Variants in MSRA observed in about 807,000 individuals in gnomAD.
The protein encoded by MSRA is mitochondrial peptide methionine sulfoxide reductase.
A neutral mutation model predicts 31.3 loss-of-function variants in MSRA; 54 were observed. The observed-to-expected ratio is 1.73, with a 90% CI of 1.39 to 2.17. The LOEUF is 2.17. Among genes scored for constraint, MSRA ranks in the 30% most tolerant of loss-of-function variants. The probability of loss-of-function intolerance (pLI) is 0.00; values close to 1 mark genes in which losing one functional copy is unlikely to be tolerated. For missense variants in MSRA, 507 were observed against 300.9 expected (o/e 1.69, Z -5.07); for synonymous variants, 169 against 116.5 (o/e 1.45, Z -2.90).
intron 1 of MSRA, among the ~76,000 whole-genome samples, chr8:10,168,077 C>T (rs1805298403): frequency 6.6e-6 from 1 of 152,102 alleles, no homozygotes; most frequent in South Asian, 2.1e-4. Context: ...TACTTACTAG[C>T]TTTGTGTCCT....
intron 1 of MSRA, among the ~76,000 whole-genome samples, chr8:10,102,754 C>G (rs960336962): frequency 6.6e-6 from 1 of 152,208 alleles, no homozygotes; most frequent in Non-Finnish European, 1.5e-5. Flanking sequence ...ACTGTGCTAG[C>G]AGGGGAAAGG....
intron 1 of MSRA, among the ~76,000 whole-genome samples, chr8:10,098,766 C>A (rs1030791283): frequency 3.9e-5 from 6 of 152,102 alleles, no homozygotes; most frequent in Non-Finnish European, 8.8e-5. Flanking sequence ...TTGAGTTGTT[C>A]AAGTCTTCTG....
At chr8:10,280,787 C>T (rs1317671392) in intron 3 of MSRA, among the ~76,000 whole-genome samples, 2 of 152,212 alleles carry the variant, frequency 1.3e-5, no homozygotes, top group Non-Finnish European at 2.9e-5. Flanking sequence ...AAACGCGCAT[C>T]AGCGTGTGAA....
chr8:10,265,157 T>C (rs1798681112), intron 3 of MSRA, among the ~76,000 whole-genome samples: 1 of 152,172 alleles, frequency 6.6e-6, no homozygotes, highest in African/African-American at 2.4e-5. Context: ...AAGAGGCCAG[T>C]CCATATTCCA....
intron 5 of MSRA, among the ~76,000 whole-genome samples, chr8:10,329,015 C>T (rs1045475516): frequency 6.6e-6 from 1 of 152,178 alleles, no homozygotes; most frequent in African/African-American, 2.4e-5. Flanking sequence ...TAAACCCTAT[C>T]CTGCAAACTC....
intron 1 of MSRA, among the ~76,000 whole-genome samples, chr8:10,158,653 T>C (rs1332982865): frequency 6.6e-6 from 1 of 152,144 alleles, no homozygotes; most frequent in Non-Finnish European, 1.5e-5. Context: ...TTGGGTTGTT[T>C]CTACTTTTTG....
intron 1 of MSRA, among the ~76,000 whole-genome samples, chr8:10,185,557 G>A (rs753390008): frequency 6.6e-6 from 1 of 152,176 alleles, no homozygotes; most frequent in Non-Finnish European, 1.5e-5. Context: ...ATGCTCAAGG[G>A]TGTCTTTGTG....
rs567949637 is a variant in MSRA, at chr8:10,061,516, T to G, written c.142+6858T>G. The stretch of plus-strand genomic sequence containing the variant: ...CTTGCGTTGCTAATTAGATGTCTTA[T>G]TGCACGGAACTCGCACAATCTGTCT... On this transcript the variant is annotated intron_variant, in intron 1 of 5. Transcript: ENST00000317173. Among the ~76,000 whole-genome samples, 8 of 152,276 alleles carry G rather than the reference T, an allele frequency of 5.3e-5. No homozygotes were observed. In the South Asian group the frequency reaches 1.7e-3, roughly 32 times the overall value.
chr8:10,202,267 C>G (rs368735724), intron 1 of MSRA, among the ~76,000 whole-genome samples: 12 of 152,292 alleles, frequency 7.9e-5, no homozygotes, highest in African/African-American at 2.4e-4. Flanking sequence ...GAGAAAATGT[C>G]TTTAAAAACT....
chr8:10,287,610 T>C (rs556878308), intron 3 of MSRA, among the ~76,000 whole-genome samples: 1 of 152,306 alleles, frequency 6.6e-6, no homozygotes, highest in African/African-American at 2.4e-5. Context: ...TTCTCATGCG[T>C]TGGACTTACT....
At chr8:10,316,602 C>G (rs1281640048) in intron 4 of MSRA, among the ~76,000 whole-genome samples, 1 of 151,628 alleles carries the variant, frequency 6.6e-6, no homozygotes, top group South Asian at 2.1e-4. Flanking sequence ...CCCCCTCCCT[C>G]TCTCCCTTCC....
At chr8:10,075,287 G>A (rs17151026) in intron 1 of MSRA, among the ~76,000 whole-genome samples, 13,844 of 152,160 alleles carry the variant, frequency 0.091, 834 homozygotes, top group East Asian at 0.25. Context: ...CTGTAGTATC[G>A]TATTTGGAAG....
intron 5 of MSRA, among the ~76,000 whole-genome samples, chr8:10,418,815 TAAAAAAAAA>T (rs71203323): frequency 6.1e-5 from 4 of 66,042 alleles, no homozygotes; most frequent in Non-Finnish European, 7.4e-5. Flanking sequence ...TTACTACGAC[TAAAAAAAAA>T]AAAAAAAAAA....
intron 3 of MSRA, among the ~76,000 whole-genome samples, chr8:10,283,160 A>ACTCTCTCTCTCTCTCTCTCTCT (rs71521648): frequency 1.1e-4 from 16 of 140,274 alleles, no homozygotes; most frequent in South Asian, 2.3e-4. Flanking sequence ...ACACACACAC[A>ACTCTCTCTCTCTCTCTCTCTCT]CTCTCACCCT....
intron 4 of MSRA, among the ~76,000 whole-genome samples, chr8:10,312,062 C>A (rs1413184075): frequency 2.0e-5 from 3 of 152,108 alleles, no homozygotes; most frequent in Non-Finnish European, 4.4e-5. Context: ...CATATAGAGC[C>A]TTAAATTCAT....
chr8:10,368,300 A>G (rs1310463113), intron 5 of MSRA, among the ~76,000 whole-genome samples: 9 of 152,330 alleles, frequency 5.9e-5, no homozygotes, highest in Admixed American at 1.3e-4. Flanking sequence ...AGCCTTGTAA[A>G]TCTGATCAGG....
At chr8:10,078,879 C>T (rs1385916356) in intron 1 of MSRA, among the ~76,000 whole-genome samples, 1 of 152,240 alleles carries the variant, frequency 6.6e-6, no homozygotes, top group Non-Finnish European at 1.5e-5. Context: ...CTTCCTTATC[C>T]TTAACAAGGT....
At chr8:10,340,290 C>G (rs10091197) in intron 5 of MSRA, among the ~76,000 whole-genome samples, 101,820 of 151,910 alleles carry the variant, frequency 0.67, 34,337 homozygotes, top group South Asian at 0.82. Context: ...GGGTATTGAA[C>G]TAGATTTTGA....
At chr8:10,316,456 G>A (rs1467803446) in intron 4 of MSRA, among the ~76,000 whole-genome samples, 1 of 151,718 alleles carries the variant, frequency 6.6e-6, no homozygotes, top group East Asian at 1.9e-4. Flanking sequence ...GCAGAATTGG[G>A]TGAATAACGT....
Sources: allele counts gnomAD v4.1 joint callset (sites outside exome capture counted in the v4.1 genomes callset), GRCh38; gene constraint gnomAD v4.1.1; transcripts MANE v1.5; gene names NCBI Gene and HGNC (gene_info 2026-07-23, HGNC 2026-07-21).